APOL3: variants seen among roughly 807,000 people sequenced by gnomAD.
APOL3 encodes apolipoprotein L3, also known as TNF-inducible protein CG12-1.
A neutral mutation model predicts 11.6 loss-of-function variants in APOL3; 14 were observed. The observed-to-expected ratio is 1.21, with a 90% CI of 0.80 to 1.89. APOL3 has a LOEUF of 1.89. Ranked by LOEUF, APOL3 falls within the 40% of genes most tolerant of loss-of-function variation. The pLI, the probability that APOL3 is intolerant of heterozygous loss-of-function variation, is 0.00. For missense variants in APOL3, 483 were observed against 492.1 expected, an observed-to-expected ratio of 0.98 and a Z score of 0.17; for synonymous variants, 192 against 190.6, an observed-to-expected ratio of 1.01 and a Z score of -0.06.
intron 1 of APOL3, among the ~76,000 whole-genome samples, chr22:36,147,459 C>A (rs1221938401): frequency 6.6e-6 from 1 of 152,186 alleles, no homozygotes; most frequent in Non-Finnish European, 1.5e-5. Flanking sequence ...CTTCCTTGAG[C>A]CTCCCAGCCA....
chr22:36,142,103 T>C (rs905968067), intron 2 of APOL3, 45 bp from the exon 4 acceptor site: 2 of 1,538,390 alleles, frequency 1.3e-6, no homozygotes, highest in South Asian at 1.3e-5. Context: ...AGCTTACTTA[T>C]CTGTAAAATC....
upstream of APOL3, chr22:36,161,025 A>G (rs2146909858): frequency 5.3e-6 from 4 of 752,150 alleles, no homozygotes; most frequent in Non-Finnish European, 8.8e-6. Flanking sequence ...AGAAAGACCT[A>G]CCACTGAAAG....
chr22:36,149,231 T>C lies in APOL3; in HGVS notation c.224-3632A>G, dbSNP rs16996422. On this transcript the variant is annotated intron_variant, in intron 1 of 2. Transcript: ENST00000349314. ...GAGGGGCTGGATCTCTGCAATCCCT[T>C]TGCGTGTCAGCAAATGCCAAGACCA... is the stretch of plus-strand genomic sequence containing the variant. The C allele has an allele frequency of 1.1e-3, 1,492 of 1,307,652 alleles. 34 individuals carry two copies. In the East Asian group the frequency reaches 0.054, roughly 47 times the overall value. 81.0% of individuals were successfully genotyped at this position (1,307,652 alleles called of 1,614,324 possible). A position where few individuals can be genotyped will look rare whatever the true frequency, so the allele number is the denominator to read the frequency against.
intron 1 of APOL3, chr22:36,149,345 C>T (rs1295275182): frequency 7.7e-7 from 1 of 1,306,316 alleles, no homozygotes; most frequent in African/African-American, 1.5e-5. Flanking sequence ...TGCCCTCACT[C>T]TCACACCAAG....
chr22:36,161,757 A>G (rs1014878431), upstream of APOL3, among the ~76,000 whole-genome samples: 1 of 144,522 alleles, frequency 6.9e-6, no homozygotes, highest in African/African-American at 2.5e-5. Context: ...AGAGTATATT[A>G]GGAAGAAGGG....
At chr22:36,149,211 G>T in intron 1 of APOL3, 69 bp from the exon 2 acceptor site, 1 of 1,314,914 alleles carries the variant, frequency 7.6e-7, no homozygotes, top group Non-Finnish European at 1.0e-6. Context: ...GGTTGGAGGG[G>T]CTGGATCTCT....
intron 1 of APOL3, chr22:36,154,594 C>T: frequency 2.1e-6 from 1 of 470,868 alleles, no homozygotes; most frequent in Non-Finnish European, 4.4e-6. Flanking sequence ...CATTTGGAAG[C>T]TGGCGTGGAC....
chr22:36,145,841 G>T (rs565894082), intron 1 of APOL3, among the ~76,000 whole-genome samples: 1 of 152,046 alleles, frequency 6.6e-6, no homozygotes. Context: ...AAAGAGAGTC[G>T]TAAGGGTAGG....
At chr22:36,147,251 C>T (rs566008152) in intron 1 of APOL3, among the ~76,000 whole-genome samples, 6 of 152,284 alleles carry the variant, frequency 3.9e-5, no homozygotes, top group East Asian at 1.9e-4. Context: ...TGCTCATGGG[C>T]GCTCTCAGAT....
chr22:36,163,675 C>T (rs1380079798), upstream of APOL3, among the ~76,000 whole-genome samples: 3 of 152,322 alleles, frequency 2.0e-5, no homozygotes, highest in Non-Finnish European at 4.4e-5. Context: ...CCAGGGGAGG[C>T]GGAGCCTCCA....
intron 1 of APOL3, among the ~76,000 whole-genome samples, chr22:36,154,015 G>A (rs912529627): frequency 1.3e-5 from 2 of 152,212 alleles, no homozygotes; most frequent in African/African-American, 4.8e-5. Flanking sequence ...GAATGTTTGA[G>A]TTGTGATAAG....
At chr22:36,157,771 C>T (rs1183047117) in intron 1 of APOL3, among the ~76,000 whole-genome samples, 1 of 152,146 alleles carries the variant, frequency 6.6e-6, no homozygotes, top group Non-Finnish European at 1.5e-5. Flanking sequence ...AAAATATAGC[C>T]AGGTGCGGTG....
intron 1 of APOL3, among the ~76,000 whole-genome samples, chr22:36,146,948 C>T (rs1218915742): frequency 2.0e-5 from 3 of 152,068 alleles, no homozygotes; most frequent in South Asian, 2.1e-4. Context: ...GAGGTAAAAT[C>T]GTTTCCTGCC....
exon 3 of APOL3, chr22:36,141,904 T>G (rs145787867): frequency 3.7e-6 from 6 of 1,614,090 alleles, no homozygotes; most frequent in Admixed American, 1.7e-5. Flanking sequence ...GCACGAAGCT[T>G]TTCTATGGAC....
chr22:36,145,972 G>GTCTCCCTGTCTCTCTC lies in APOL3; in HGVS notation c.224-374_224-373insGAGAGAGACAGGGAGA, dbSNP rs1268544981. On this transcript the variant is annotated intron_variant, in intron 1 of 2. Transcript: ENST00000349314. ...TCTTGCCTTCCAGCCCTCTCTCCCT[G>GTCTCCCTGTCTCTCTC]TCTCTCTTTCTCTCTCTCTCTCTCT... Among the ~76,000 whole-genome samples the GTCTCCCTGTCTCTCTC allele has an allele frequency of 5.0e-5, 4 of 79,308 alleles. No homozygotes were observed. The Admixed American group carries it at 5.6e-4, about 11-fold the overall frequency. The allele number at this position is 79,308 out of a possible 152,430, so 52.0% of individuals were successfully genotyped here.
At chr22:36,142,501 G>C (rs1156621055) in intron 2 of APOL3, among the ~76,000 whole-genome samples, 1 of 152,174 alleles carries the variant, frequency 6.6e-6, no homozygotes, top group African/African-American at 2.4e-5. Context: ...TTTTGTCTTT[G>C]GGCCCTGGGA....
chr22:36,151,238 T>G (rs2060422029), intron 1 of APOL3, among the ~76,000 whole-genome samples: 1 of 152,148 alleles, frequency 6.6e-6, no homozygotes, highest in Non-Finnish European at 1.5e-5. Context: ...CAGGGAAGAC[T>G]GCCAGTGGAC....
intron 1 of APOL3, chr22:36,146,255 G>A (rs1199274696): frequency 4.0e-5 from 6 of 151,840 alleles, no homozygotes; most frequent in East Asian, 3.9e-4. Context: ...AAGTGCCATG[G>A]TGCTTTGTGG....
intron 1 of APOL3, among the ~76,000 whole-genome samples, chr22:36,159,000 A>C (rs1410658419): frequency 6.6e-6 from 1 of 150,908 alleles, no homozygotes; most frequent in East Asian, 1.9e-4. Flanking sequence ...TGAATTTGTG[A>C]GTGTGTGTGT....
Sources: gnomAD v4.1 joint callset for allele counts (sites outside exome capture counted in the v4.1 genomes callset) on GRCh38, gnomAD v4.1.1 for gene constraint, MANE v1.5 for transcripts, NCBI Gene and HGNC (gene_info 2026-07-23, HGNC 2026-07-21) for gene names.